STIL: variants seen among roughly 807,000 people sequenced by gnomAD.
STIL encodes the protein SCL-interrupting locus protein.
In STIL, 55 loss-of-function variants were observed where a neutral mutation model predicts 110.1. That is an observed-to-expected ratio of 0.50 (90% CI 0.40 to 0.63). STIL has a LOEUF of 0.63. STIL is among the 20% of genes least tolerant of loss of function. The pLI, the probability that STIL is intolerant of heterozygous loss-of-function variation, is 0.00. For synonymous variants in STIL, 481 were observed against 530.0 expected, an observed-to-expected ratio of 0.91 and a Z score of 1.27; for missense variants, 1,358 against 1,530.0, an observed-to-expected ratio of 0.89 and a Z score of 1.87.
chr1:47,269,004 T>C (rs1644740765), intron 14 of STIL, among the ~76,000 whole-genome samples: 1 of 139,280 alleles, frequency 7.2e-6, no homozygotes, highest in Admixed American at 7.5e-5. Flanking sequence ...GGCAGGAGAA[T>C]GGCGTGAACC....
At chr1:47,287,470 A>C (rs556293041) in intron 10 of STIL, 81 bp downstream of exon 10, 1 of 869,712 alleles carries the variant, frequency 1.1e-6, no homozygotes, top group Non-Finnish European at 1.8e-6. Flanking sequence ...CATCAGAAAT[A>C]ATTTAGTTAT....
intron 6 of STIL, chr1:47,299,693 C>A: frequency 1.9e-6 from 1 of 531,438 alleles, no homozygotes. Context: ...GCGCCAGGCC[C>A]TACCACCAAT....
At chr1:47,274,807 C>T (rs1017125612) in intron 12 of STIL, among the ~76,000 whole-genome samples, 1 of 151,338 alleles carries the variant, frequency 6.6e-6, no homozygotes, top group African/African-American at 2.4e-5. Flanking sequence ...GTGGAGCAGA[C>T]TATAGTTCAG....
intron 2 of STIL, among the ~76,000 whole-genome samples, chr1:47,308,427 G>GA (rs34671975): frequency 0.97 from 144,280 of 148,610 alleles, 70,127 homozygotes; most frequent in Non-Finnish European, 0.99. Context: ...AAAGAAAATG[G>GA]AAAAAAAAAA....
chr1:47,276,292 G>A (rs986092728), intron 12 of STIL, among the ~76,000 whole-genome samples: 3 of 151,782 alleles, frequency 2.0e-5, no homozygotes, highest in Non-Finnish European at 2.9e-5. Flanking sequence ...GTGAGCCACC[G>A]CACCTGGTCT....
At chr1:47,281,722 A>C (rs1645162775) in intron 11 of STIL, among the ~76,000 whole-genome samples, 1 of 152,172 alleles carries the variant, frequency 6.6e-6, no homozygotes, top group Non-Finnish European at 1.5e-5. Flanking sequence ...GAAAGCAAAA[A>C]AGAGTAAACA....
intron 14 of STIL, among the ~76,000 whole-genome samples, chr1:47,265,250 A>AAAAAC (rs1644609428): frequency 6.7e-6 from 1 of 148,592 alleles, no homozygotes; most frequent in Non-Finnish European, 1.5e-5. Flanking sequence ...AAAAAAAAAA[A>AAAAAC]AAAAAAAAAA....
chr1:47,259,556 T>C (rs531698785), intron 16 of STIL, among the ~76,000 whole-genome samples: 3 of 152,218 alleles, frequency 2.0e-5, no homozygotes, highest in African/African-American at 7.2e-5. Context: ...TGCAAAGTGC[T>C]GGGATTACAG....
intron 2 of STIL, 24 bp downstream of exon 2, chr1:47,310,252 A>T: frequency 6.2e-7 from 1 of 1,607,782 alleles, no homozygotes. Context: ...TGTAAGACAA[A>T]TATTTGTAAA....
chr1:47,263,516 T>C (rs969411225), intron 14 of STIL, among the ~76,000 whole-genome samples: 40 of 152,166 alleles, frequency 2.6e-4, no homozygotes, highest in Admixed American at 1.2e-3. Context: ...GCACTCAGCC[T>C]AGGCATCAGA....
chr1:47,250,148 C>T lies in STIL; in HGVS notation c.*988G>A. On this transcript the variant is annotated 3_prime_UTR_variant, in exon 17 of 17. Transcript: ENST00000371877. ...ATAACAGACAACAAAGGAAAATAGT[C>T]AATCTAGACATTTTATTAAGTTCTA... The T allele has an allele frequency of 6.1e-6, 1 of 164,644 alleles. No homozygotes were observed. The highest frequency in any genetic ancestry group is 1.3e-4 in the East Asian group (1 of 7,426). 10.2% of individuals were successfully genotyped at this position (164,644 alleles called of 1,614,324 possible). A position where few individuals can be genotyped will look rare whatever the true frequency, so the allele number is the denominator to read the frequency against.
intron 15 of STIL, among the ~76,000 whole-genome samples, chr1:47,261,113 C>A (rs1026327063): frequency 3.3e-5 from 5 of 151,786 alleles, no homozygotes; most frequent in African/African-American, 4.8e-5. Context: ...ATAAGCTGGG[C>A]GTGGTGGCTC....
At chr1:47,312,560 AG>A (rs1224940645) in intron 1 of STIL, among the ~76,000 whole-genome samples, 2 of 152,232 alleles carry the variant, frequency 1.3e-5, no homozygotes, top group Non-Finnish European at 2.9e-5. Flanking sequence ...ACCCTTCCTT[AG>A]TACTTGGTTG....
intron 6 of STIL, among the ~76,000 whole-genome samples, chr1:47,297,258 CT>C (rs1645667014): frequency 6.6e-6 from 1 of 151,790 alleles, no homozygotes; most frequent in Non-Finnish European, 1.5e-5. Flanking sequence ...AGGAGAATCA[CT>C]TGAACCCAGG....
intron 1 of STIL, among the ~76,000 whole-genome samples, chr1:47,311,106 A>G (rs1421473544): frequency 6.6e-6 from 1 of 151,826 alleles, no homozygotes; most frequent in Non-Finnish European, 1.5e-5. Flanking sequence ...TTGGCCTCCC[A>G]AAGTGCTAGG....
chr1:47,302,179 C>A (rs1645823632), intron 4 of STIL, 55 bp downstream of exon 4: 1 of 1,337,364 alleles, frequency 7.5e-7, no homozygotes, highest in Admixed American at 1.7e-5. Context: ...CTCCAGCCTC[C>A]CAACGTGCTG....
intron 10 of STIL, chr1:47,282,931 T>C (rs754465811): frequency 2.7e-4 from 42 of 156,218 alleles, no homozygotes; most frequent in Non-Finnish European, 4.5e-4. Flanking sequence ...ATCAAAGTAC[T>C]ACCCTCCCAT....
At chr1:47,289,948 A>G (rs933303220) in intron 8 of STIL, among the ~76,000 whole-genome samples, 1 of 151,864 alleles carries the variant, frequency 6.6e-6, no homozygotes, top group Non-Finnish European at 1.5e-5. Context: ...CAAAAAAAAA[A>G]AAAAAAAAAA....
chr1:47,300,213 T>G, intron 5 of STIL, 61 bp from the exon 6 acceptor site: 2 of 1,507,870 alleles, frequency 1.3e-6, no homozygotes, highest in Non-Finnish European at 1.8e-6. Context: ...ATCGCCAAAG[T>G]TTATTTTATA....
Sources: allele counts gnomAD v4.1 joint callset (sites outside exome capture counted in the v4.1 genomes callset), GRCh38; gene constraint gnomAD v4.1.1; transcripts MANE v1.5; gene names NCBI Gene and HGNC (gene_info 2026-07-23, HGNC 2026-07-21).